The following ZRANB3 variants were observed in gnomAD, a reference collection of about 807,000 sequenced individuals.
ZRANB3 encodes zinc finger RANBP2-type containing 3.
ZRANB3 carries 125 observed loss-of-function variants against 133.8 expected under a neutral mutation model. That is an observed-to-expected ratio of 0.93 (90% CI 0.81 to 1.08). The LOEUF (loss-of-function observed/expected upper bound fraction) is 1.08, where lower values mean the gene tolerates loss of function less well. Ranked by LOEUF, ZRANB3 falls within the 50% of genes least tolerant of loss-of-function variation. ZRANB3 has a pLI of 0.00. For missense variants in ZRANB3, 1,229 were observed against 1,275.5 expected, an observed-to-expected ratio of 0.96 and a Z score of 0.56; for synonymous variants, 387 against 432.7, an observed-to-expected ratio of 0.89 and a Z score of 1.31.
chr2:135,231,044 T>C, intron 12 of ZRANB3, 117 bp from the exon 13 acceptor site: 3 of 872,736 alleles, frequency 3.4e-6, no homozygotes, highest in Non-Finnish European at 3.2e-6. Flanking sequence ...TTAAATACCT[T>C]TTGGAAATGA....
Position 135,493,342 on chromosome 2 carries a change from C to A in ZRANB3, c.161+10987G>T, listed in dbSNP as rs539131699. Among the ~76,000 whole-genome samples, 3 of 150,374 alleles carry A rather than the reference C, an allele frequency of 2.0e-5. No homozygotes were observed. The South Asian group carries it at 6.3e-4, about 31-fold the overall frequency. ...ATTTTCTGTTCATTAGAATACTATA[C>A]TACAAGGAAAATCAAAAGGAGGCTA... is the stretch of plus-strand genomic sequence containing the variant. On this transcript the variant is annotated intron_variant, in intron 2 of 20. Transcript: ENST00000264159.
chr2:135,284,375 G>C (rs1371225471), intron 8 of ZRANB3, among the ~76,000 whole-genome samples: 1 of 152,120 alleles, frequency 6.6e-6, no homozygotes, highest in Non-Finnish European at 1.5e-5. Flanking sequence ...CACTTCCTTT[G>C]AAATCATAAC....
chr2:135,393,821 C>T (rs2104929665), intron 2 of ZRANB3, among the ~76,000 whole-genome samples: 1 of 152,214 alleles, frequency 6.6e-6, no homozygotes, highest in South Asian at 2.1e-4. Flanking sequence ...TAAAATGCAA[C>T]AGGATCTAAA....
chr2:135,468,842 T>G (rs1270774813), intron 2 of ZRANB3, among the ~76,000 whole-genome samples: 2 of 152,206 alleles, frequency 1.3e-5, no homozygotes, highest in Admixed American at 1.3e-4. Flanking sequence ...TGGAGAGAAC[T>G]AAGGATCAGT....
At chr2:135,424,637 G>A (rs1293304454) in intron 2 of ZRANB3, among the ~76,000 whole-genome samples, 2 of 152,188 alleles carry the variant, frequency 1.3e-5, no homozygotes, top group African/African-American at 4.8e-5. Context: ...GGAGGCTGAG[G>A]CAAGTGTATC....
At chr2:135,333,489 C>A (rs1684241631) in intron 6 of ZRANB3, among the ~76,000 whole-genome samples, 3 of 152,088 alleles carry the variant, frequency 2.0e-5, no homozygotes, top group Admixed American at 2.0e-4. Context: ...ATAGGGAGAA[C>A]TTAGGTAAAA....
intron 12 of ZRANB3, among the ~76,000 whole-genome samples, chr2:135,264,165 A>G (rs1680105189): frequency 6.6e-6 from 1 of 151,648 alleles, no homozygotes; most frequent in Admixed American, 6.6e-5. Context: ...TATAGAAGCA[A>G]TGATGGAATT....
chr2:135,450,851 A>G (rs1013274746), intron 2 of ZRANB3, among the ~76,000 whole-genome samples: 28 of 152,216 alleles, frequency 1.8e-4, no homozygotes, highest in Admixed American at 6.5e-5. Flanking sequence ...TGGGAAGGCC[A>G]AGACAATTAA....
chr2:135,401,375 A>G (rs575883026), intron 2 of ZRANB3, among the ~76,000 whole-genome samples: 1 of 152,334 alleles, frequency 6.6e-6, no homozygotes, highest in African/African-American at 2.4e-5. Flanking sequence ...GAAGATGGCT[A>G]TAGTGCTTCC....
intron 2 of ZRANB3, among the ~76,000 whole-genome samples, chr2:135,490,416 TA>T (rs1309033967): frequency 2.0e-5 from 3 of 152,180 alleles, no homozygotes; most frequent in Admixed American, 6.6e-5. Flanking sequence ...TCCACATCAC[TA>T]ATCATCAGAG....
chr2:135,216,450 T>C (rs1694315042), intron 17 of ZRANB3, among the ~76,000 whole-genome samples: 1 of 152,210 alleles, frequency 6.6e-6, no homozygotes, highest in Non-Finnish European at 1.5e-5. Flanking sequence ...TTTTGTTTTG[T>C]TTTGTTTCAG....
At chr2:135,500,323 A>G (rs1346739195) in intron 2 of ZRANB3, among the ~76,000 whole-genome samples, 1 of 152,210 alleles carries the variant, frequency 6.6e-6, no homozygotes, top group Non-Finnish European at 1.5e-5. Flanking sequence ...AAAGATTTGT[A>G]TAAGAACATT....
intron 3 of ZRANB3, among the ~76,000 whole-genome samples, chr2:135,390,564 T>C (rs1395543501): frequency 1.3e-5 from 2 of 151,972 alleles, no homozygotes; most frequent in African/African-American, 4.8e-5. Context: ...CAATTTGGGG[T>C]CACTAATGTT....
In ZRANB3 at chr2:135,346,241, C is replaced by T. The variant is rs577860815; in HGVS notation, c.592-606G>A. ...CCTCCCGAGTAGCTTGGAGTACAGA[C>T]GCCCACCACCATGCCCGGCTAATTT... On this transcript the variant is annotated intron_variant, in intron 5 of 20. Coordinates refer to ENST00000264159, the MANE Select transcript of ZRANB3 (RefSeq NM_032143.4). Among the ~76,000 whole-genome samples the T allele has an allele frequency of 3.3e-5, 5 of 152,250 alleles. No homozygotes were observed. In the East Asian group the frequency reaches 7.7e-4, roughly 24 times the overall value.
chr2:135,428,914 G>C (rs573297739), intron 2 of ZRANB3, among the ~76,000 whole-genome samples: 1 of 152,204 alleles, frequency 6.6e-6, no homozygotes, highest in African/African-American at 2.4e-5. Context: ...AGAGAAATGG[G>C]AGTATTTATA....
intron 2 of ZRANB3, among the ~76,000 whole-genome samples, chr2:135,405,722 T>C (rs1471405841): frequency 6.6e-6 from 1 of 152,170 alleles, no homozygotes; most frequent in African/African-American, 2.4e-5. Context: ...GAATGACTAC[T>C]GGGTACATAA....
At position 135,353,524 on chromosome 2, in the gene ZRANB3, T is replaced by C; in HGVS notation, c.285A>G (p.Thr95=). The change falls in exon 4 of 21, where the codon ACA becomes ACG. Residue 95 remains threonine (T), a synonymous_variant. Transcript: ENST00000264159. Reference sequence around the variant, plus strand: ...CTGGGATCCATTTTTCAATTTCTTCTGTCCAAGGGTACCTCAGAGACGAAG... The same window carrying C: ...CTGGGATCCATTTTTCAATTTCTTCCGTCCAAGGGTACCTCAGAGACGAAG... ...VVPSSLRYPW[T]EEIEKWIPEL... 1.2e-6 allele frequency: 2 copies of C among 1,610,696 alleles called. No homozygotes were observed. The highest frequency in any genetic ancestry group is 1.7e-6 in the Non-Finnish European group (2 of 1,177,982).
At chr2:135,442,277 A>C (rs1641446050) in intron 2 of ZRANB3, among the ~76,000 whole-genome samples, 1 of 152,198 alleles carries the variant, frequency 6.6e-6, no homozygotes, top group Admixed American at 6.5e-5. Flanking sequence ...AATGGGAGCA[A>C]ATTTTTGCAA....
intron 19 of ZRANB3, among the ~76,000 whole-genome samples, chr2:135,205,432 G>A (rs1693817300): frequency 6.6e-6 from 1 of 152,074 alleles, no homozygotes; most frequent in African/African-American, 2.4e-5. Flanking sequence ...ACCACACCTG[G>A]CTAATTTTTC....
Sources: gnomAD v4.1 joint callset for allele counts (sites outside exome capture counted in the v4.1 genomes callset) on GRCh38, gnomAD v4.1.1 for gene constraint, MANE v1.5 for transcripts, NCBI Gene and HGNC (gene_info 2026-07-23, HGNC 2026-07-21) for gene names.